The following NEK11 variants were observed in gnomAD, a reference collection of about 807,000 sequenced individuals.
NEK11 encodes the protein NIMA related kinase 11, also known as serine/threonine-protein kinase Nek11.
NEK11 carries 72 observed loss-of-function variants against 80.7 expected under a neutral mutation model. That is an observed-to-expected ratio of 0.89 (90% CI 0.74 to 1.08). The LOEUF (loss-of-function observed/expected upper bound fraction) is 1.08, where lower values mean the gene tolerates loss of function less well. Ranked by LOEUF, NEK11 falls within the 50% of genes least tolerant of loss-of-function variation. The pLI is 0.00. For missense variants in NEK11, 764 were observed against 763.6 expected (o/e 1.00, Z -0.01); for synonymous variants, 251 against 260.7 (o/e 0.96, Z 0.36).
intron 7 of NEK11, among the ~76,000 whole-genome samples, chr3:131,147,939 A>G (rs961309162): frequency 1.3e-5 from 2 of 151,962 alleles, no homozygotes; most frequent in African/African-American, 4.8e-5. Flanking sequence ...TCCTAATCTC[A>G]GAAGAAAATA....
chr3:131,332,802 G>A (rs558421576), intron 17 of NEK11, among the ~76,000 whole-genome samples: 68 of 152,330 alleles, frequency 4.5e-4, no homozygotes, highest in East Asian at 9.6e-4. Flanking sequence ...GCCAAGGCTC[G>A]AGAACTGCGT....
At chr3:131,248,295 C>G (rs2095639342) in intron 16 of NEK11, among the ~76,000 whole-genome samples, 1 of 151,988 alleles carries the variant, frequency 6.6e-6, no homozygotes, top group African/African-American at 2.4e-5. Flanking sequence ...AAGGTTTTAT[C>G]ATGATAGAAT....
intron 4 of NEK11, among the ~76,000 whole-genome samples, chr3:131,102,380 A>G (rs1002384288): frequency 2.0e-5 from 3 of 152,326 alleles, no homozygotes; most frequent in African/African-American, 7.2e-5. Context: ...AGTTAAAATG[A>G]ATTCCCTCAG....
At chr3:131,063,504 G>C (rs1217573333) in intron 3 of NEK11, among the ~76,000 whole-genome samples, 3 of 152,134 alleles carry the variant, frequency 2.0e-5, no homozygotes, top group African/African-American at 7.2e-5. Context: ...GAAAGGAAGG[G>C]GACAGAGTGG....
At chr3:131,193,864 C>T (rs1332769913) in intron 14 of NEK11, among the ~76,000 whole-genome samples, 1 of 152,120 alleles carries the variant, frequency 6.6e-6, no homozygotes, top group Non-Finnish European at 1.5e-5. Context: ...TGCCTGGCTC[C>T]AGCATTCACT....
At chr3:131,305,206 A>G (rs1346307659) in intron 17 of NEK11, among the ~76,000 whole-genome samples, 3 of 151,980 alleles carry the variant, frequency 2.0e-5, no homozygotes, top group Admixed American at 1.3e-4. Context: ...TGGCAGCCAA[A>G]CAATTGTAAG....
chr3:131,173,549 GCTTT>G (rs2092820556), intron 14 of NEK11, among the ~76,000 whole-genome samples: 1 of 150,586 alleles, frequency 6.6e-6, no homozygotes, highest in Non-Finnish European at 1.5e-5. Context: ...CAGAGTTCCT[GCTTT>G]CTATCTAGTA....
intron 5 of NEK11, among the ~76,000 whole-genome samples, chr3:131,110,473 T>G (rs2079926653): frequency 6.6e-6 from 1 of 152,158 alleles, no homozygotes; most frequent in East Asian, 1.9e-4. Flanking sequence ...ATTTTGATTA[T>G]CTGTGATTTA....
At chr3:131,221,819 AGT>A (rs1199481793) in intron 14 of NEK11, among the ~76,000 whole-genome samples, 1 of 152,200 alleles carries the variant, frequency 6.6e-6, no homozygotes, top group Non-Finnish European at 1.5e-5. Context: ...TAGTTCTCAA[AGT>A]GTGTTTCCAG....
At chr3:131,337,365 A>T (rs1464903276) in intron 17 of NEK11, among the ~76,000 whole-genome samples, 4 of 151,964 alleles carry the variant, frequency 2.6e-5, no homozygotes, top group Non-Finnish European at 5.9e-5. Flanking sequence ...TATCGCAACG[A>T]CAAAACACCA....
intron 14 of NEK11, among the ~76,000 whole-genome samples, chr3:131,211,111 C>G (rs1027270305): frequency 2.6e-5 from 4 of 151,742 alleles, no homozygotes; most frequent in Non-Finnish European, 4.4e-5. Context: ...GTGGATGGTA[C>G]CAGTTTTCCT....
intron 17 of NEK11, 130 bp from the exon 18 acceptor site, chr3:131,349,427 C>A (rs1203713663): frequency 1.4e-6 from 1 of 711,766 alleles, no homozygotes; most frequent in East Asian, 2.7e-5. Flanking sequence ...AGATATTGTG[C>A]CTTTTCTTCC....
At chr3:131,290,519 G>T (rs2096532885) in intron 17 of NEK11, among the ~76,000 whole-genome samples, 1 of 152,184 alleles carries the variant, frequency 6.6e-6, no homozygotes, top group Non-Finnish European at 1.5e-5. Context: ...ATAAGCCCAG[G>T]CTGCTACCCA....
intron 3 of NEK11, among the ~76,000 whole-genome samples, chr3:131,045,286 T>C (rs11709564): frequency 0.048 from 7,262 of 152,298 alleles, 260 homozygotes; most frequent in Middle Eastern, 0.078. Flanking sequence ...GATTTGGGCA[T>C]TTAAGTCTAT....
At chr3:131,263,667 A>G (rs1435485583) in intron 16 of NEK11, among the ~76,000 whole-genome samples, 3 of 152,200 alleles carry the variant, frequency 2.0e-5, no homozygotes, top group African/African-American at 7.2e-5. Flanking sequence ...TAGTGCCACA[A>G]TAAACATACA....
chr3:131,083,752 C>T (rs2075621086), intron 4 of NEK11, among the ~76,000 whole-genome samples: 1 of 152,176 alleles, frequency 6.6e-6, no homozygotes, highest in Non-Finnish European at 1.5e-5. Flanking sequence ...ACCCTTTGGA[C>T]ACATACATCA....
Position 131,109,846 on chromosome 3 carries a change from G to T in NEK11, c.380G>T (p.Gly127Val), listed in dbSNP as rs2079802785. The T allele has an allele frequency of 6.2e-7, 1 of 1,605,956 alleles. No individual in the cohort carries two copies. The highest frequency in any genetic ancestry group is 8.5e-7 in the Non-Finnish European group (1 of 1,177,232). ...DDKIQEYKQAGKIFPENQIIE... is the reference protein window; with the variant it reads ...DDKIQEYKQAVKIFPENQIIE... ...AAAATTCAGGAATATAAACAAGCTG[G>T]AAAAATCTTTCCAGAAAATCAAATA... is the stretch of plus-strand genomic sequence containing the variant. Residue 127 changes from glycine (G) to valine (V), a missense_variant, in exon 5 of 18, where the codon GGA (glycine) becomes GTA (valine). Physicochemically the swap from Gly to Val is moderately radical, Grantham distance 109. Coordinates refer to ENST00000383366, the MANE Select transcript of NEK11 (RefSeq NM_024800.5).
chr3:131,107,224 C>A (rs2079322339), intron 4 of NEK11, among the ~76,000 whole-genome samples: 1 of 151,954 alleles, frequency 6.6e-6, no homozygotes, highest in African/African-American at 2.4e-5. Context: ...AAGGTTAACA[C>A]ATTTTAAAAA....
intron 3 of NEK11, among the ~76,000 whole-genome samples, chr3:131,035,445 A>G (rs1303369066): frequency 6.6e-6 from 1 of 152,206 alleles, no homozygotes; most frequent in Non-Finnish European, 1.5e-5. Context: ...CTACTTATAG[A>G]AATCTCAGAC....
Sources: gnomAD v4.1 joint callset for allele counts (sites outside exome capture counted in the v4.1 genomes callset) on GRCh38, gnomAD v4.1.1 for gene constraint, MANE v1.5 for transcripts, NCBI Gene and HGNC (gene_info 2026-07-23, HGNC 2026-07-21) for gene names.